GGA1: variants seen among roughly 807,000 people sequenced by gnomAD.
GGA1 encodes the protein golgi associated, gamma adaptin ear containing, ARF binding protein 1.
A neutral mutation model predicts 76.9 loss-of-function variants in GGA1; 18 were observed. The ratio of observed to expected loss-of-function variants is 0.23; its 90% confidence interval spans 0.16 to 0.35. GGA1 has a LOEUF of 0.35. Ranked by LOEUF, GGA1 falls within the 10% of genes least tolerant of loss-of-function variation. The pLI, the probability that GGA1 is intolerant of heterozygous loss-of-function variation, is 1.00. For missense variants in GGA1, 755 were observed against 859.0 expected (o/e 0.88, Z 1.51); for synonymous variants, 342 against 354.7 (o/e 0.96, Z 0.40).
chr22:37,630,239 T>G (rs1203950655), intron 13 of GGA1, 69 bp downstream of exon 13: 65 of 1,219,904 alleles, frequency 5.3e-5, no homozygotes, highest in Non-Finnish European at 6.2e-5. Flanking sequence ...CAACTTCTCC[T>G]GGGCTTGTCC....
chr22:37,624,675 C>A lies in GGA1; in HGVS notation c.833-294C>A. On this transcript the variant is annotated intron_variant, in intron 9 of 16. Coordinates refer to ENST00000343632, the MANE Select transcript of GGA1 (RefSeq NM_013365.5). The surrounding 1 kb of genome is among the most constrained non-coding windows in gnomAD (Gnocchi z 4.3). ...GAAGGCAGTAAGGGATGAAGCCATG[C>A]AGAGATCTGGGGCAGCCAGAGAGCA... 5.7e-6 allele frequency: 2 copies of A among 349,908 alleles called. 1 individual carries two copies. Among genetic ancestry groups the A allele is most frequent in the South Asian group, 5.5e-5 (2 of 36,586 alleles). The allele number at this position is 349,908 out of a possible 1,614,324, so 21.7% of individuals were successfully genotyped here.
At position 37,624,042 on chromosome 22, in the gene GGA1, C is replaced by T; in HGVS notation, c.832+409C>T. On this transcript the variant is annotated intron_variant, in intron 9 of 16. Transcript: ENST00000343632. This position sits in a 1 kb window ranked among gnomAD's most constrained non-coding sequence, Gnocchi z 4.3. ...GGAAGCTAAGAGTGCATCCCACAGC[C>T]CAGGCAGTTCCAGACCTGAGCCTGA... The T allele has an allele frequency of 4.9e-6, 1 of 203,538 alleles. No individual in the cohort carries two copies. The highest frequency in any genetic ancestry group is 1.0e-5 in the Non-Finnish European group (1 of 97,056). 12.6% of individuals were successfully genotyped at this position (203,538 alleles called of 1,614,324 possible).
In GGA1 at chr22:37,623,615, G is replaced by A; in HGVS notation, c.814G>A (p.Asp272Asn). 1 of 1,588,394 alleles carries A rather than the reference G, an allele frequency of 6.3e-7. No individual in the cohort carries two copies. Among genetic ancestry groups the A allele is most frequent in the Admixed American group, 1.8e-5 (1 of 54,682 alleles). ...TLFRLASDTE[D>N]NDEALAEILQ... Reference sequence around the variant, plus strand: ...CTTCCGACTGGCGAGTGACACAGAGGACAATGATGAGGCCTTAGGTGAGCC... The same window carrying A: ...CTTCCGACTGGCGAGTGACACAGAGAACAATGATGAGGCCTTAGGTGAGCC... The change falls in exon 9 of 17, where the codon GAC becomes AAC. Residue 272 changes from aspartate to asparagine, a missense_variant. Asp to Asn is a conservative substitution (Grantham distance 23). Coordinates refer to ENST00000343632, the MANE Select transcript of GGA1 (RefSeq NM_013365.5). This position sits in a 1 kb window ranked among gnomAD's most constrained non-coding sequence, Gnocchi z 4.6.
chr22:37,611,786 C>A (rs1472097168), intron 1 of GGA1, among the ~76,000 whole-genome samples: 1 of 152,324 alleles, frequency 6.6e-6, no homozygotes, highest in South Asian at 2.1e-4. Context: ...TAGAGGTGGG[C>A]TGTGGAGAAA....
At chr22:37,612,186 C>T (rs1049312531) in intron 1 of GGA1, among the ~76,000 whole-genome samples, 2 of 151,124 alleles carry the variant, frequency 1.3e-5, no homozygotes, top group Non-Finnish European at 2.9e-5. Flanking sequence ...AAATACAGGC[C>T]GGACGCAGTG....
intron 12 of GGA1, 27 bp from the exon 13 acceptor site, chr22:37,629,971 A>C (rs1601558292): frequency 6.7e-7 from 1 of 1,500,888 alleles, no homozygotes; most frequent in Non-Finnish European, 9.0e-7. Flanking sequence ...AGACAGCCCC[A>C]CCCCACCTGC....
intron 2 of GGA1, among the ~76,000 whole-genome samples, chr22:37,615,971 G>A (rs983022256): frequency 2.6e-5 from 4 of 151,976 alleles, no homozygotes; most frequent in Non-Finnish European, 5.9e-5. Flanking sequence ...CTCCCCAGCA[G>A]CTGGGACTAC....
intron 4 of GGA1, chr22:37,619,716 C>T: frequency 1.4e-6 from 1 of 728,768 alleles, no homozygotes; most frequent in South Asian, 1.5e-5. Flanking sequence ...GACAGCCCAC[C>T]CCCTTGGCCC....
At chr22:37,620,528 TGA>T (rs1929690307) in intron 5 of GGA1, among the ~76,000 whole-genome samples, 167 bp downstream of exon 5, 1 of 152,184 alleles carries the variant, frequency 6.6e-6, no homozygotes, top group African/African-American at 2.4e-5. Context: ...GTGCTCTGCC[TGA>T]GGCTAGCTTG....
intron 3 of GGA1, 169 bp downstream of exon 3, chr22:37,617,166 G>A (rs1601516826): frequency 1.6e-5 from 24 of 1,463,532 alleles, no homozygotes; most frequent in Middle Eastern, 1.8e-4. Context: ...CACAGCCAGC[G>A]GGCTGGCCTC....
intron 7 of GGA1, 80 bp downstream of exon 7, chr22:37,621,776 C>A: frequency 2.2e-6 from 2 of 907,140 alleles, no homozygotes; most frequent in Non-Finnish European, 1.7e-6. Context: ...CTGTATGCAT[C>A]TTCACATGGA....
At position 37,632,387 on chromosome 22, in the gene GGA1, C is replaced by T. The variant is rs747681948; in HGVS notation, c.1699-18C>T. The T allele has an allele frequency of 3.7e-5, 57 of 1,555,370 alleles. No homozygotes were observed. Among genetic ancestry groups the T allele is most frequent in the Non-Finnish European group, 4.5e-5 (51 of 1,126,794 alleles). Reference sequence around the variant, plus strand: ...AGCAGCCAGGGCTAGCTGTGCCCATCCTGCCATCTGCCCACAGGTTATGAA... The same window carrying T: ...AGCAGCCAGGGCTAGCTGTGCCCATTCTGCCATCTGCCCACAGGTTATGAA... On this transcript the variant is annotated intron_variant, in intron 15 of 16. Transcript: ENST00000343632. This position sits in a 1 kb window ranked among gnomAD's most constrained non-coding sequence, Gnocchi z 5.1.
At chr22:37,629,677 A>C in intron 12 of GGA1, 151 bp downstream of exon 12, 1 of 561,770 alleles carries the variant, frequency 1.8e-6, no homozygotes, top group Non-Finnish European at 3.1e-6. Context: ...ACACCCACCC[A>C]GGGTACAGGG....
chr22:37,630,019 C>G lies in GGA1; in HGVS notation c.1180C>G (p.Pro394Ala), dbSNP rs751250760. The G allele has an allele frequency of 1.3e-6, 2 of 1,579,198 alleles. No individual in the cohort carries two copies. The highest frequency in any genetic ancestry group is 1.7e-6 in the Non-Finnish European group (2 of 1,162,638). Residue 394 changes from proline (P) to alanine (A), a missense_variant, in exon 13 of 17, where the codon CCA (proline) becomes GCA (alanine). Pro to Ala is a conservative substitution (Grantham distance 27). Coordinates refer to ENST00000343632, the MANE Select transcript of GGA1 (RefSeq NM_013365.5). ...ACAGTCGTCGGATGCCACTGAGCCC[C>G]CAGCCCCTGCTCTGGCCCAGGCCCC... is the stretch of plus-strand genomic sequence containing the variant. ...SFQSSDATEP[P>A]APALAQAPSM... is the part of the protein sequence containing the mutation.
rs199622924 is a variant in GGA1 at position 37,630,985 on chromosome 22, G to A, written c.1414G>A (p.Ala472Thr). 55 of 1,613,114 alleles carry A rather than the reference G, an allele frequency of 3.4e-5. No individual in the cohort carries two copies. The highest frequency in any genetic ancestry group is 6.7e-5 in the Admixed American group (4 of 59,916). Residue 472 changes from alanine (A) to threonine (T), a missense_variant, in exon 14 of 17, where the codon GCC becomes ACC. By Grantham distance (58) the Ala-to-Thr change is moderately conservative (BLOSUM62 0). Transcript: ENST00000343632. ...SSSCSSPSSS[A>T]TSLLHTVSPE... ...CAGCTGCAGCTCCCCCAGCTCCAGC[G>A]CCACCAGCCTTCTCCACACCGTGTC...
rs1271859082 is a variant in GGA1 at position 37,630,030 on chromosome 22, T to A, written c.1191T>A (p.Ala397=). 6.3e-7 allele frequency: 1 copy of A among 1,591,086 alleles called. No homozygotes were observed. Among genetic ancestry groups the A allele is most frequent in the African/African-American group, 1.4e-5 (1 of 73,626 alleles). The change falls in exon 13 of 17, where the codon GCT becomes GCA. Residue 397 remains alanine, a synonymous_variant. Transcript: ENST00000343632. ...SSDATEPPAP[A]LAQAPSMESR... is the part of the protein sequence containing the mutation. ...ATGCCACTGAGCCCCCAGCCCCTGC[T>A]CTGGCCCAGGCCCCCAGTATGGAAA...
rs895618984 is a variant in GGA1 at position 37,623,811 on chromosome 22, C to A, written c.832+178C>A. The stretch of plus-strand genomic sequence containing the variant: ...GAGGACACAGAGCAGGGGCCGCCCC[C>A]CTGTTGAGAGGCCCTGTGGGCCAGC... On this transcript the variant is annotated intron_variant, in intron 9 of 16. Transcript: ENST00000343632. This position sits in a 1 kb window ranked among gnomAD's most constrained non-coding sequence, Gnocchi z 4.6. 1.5e-5 allele frequency: 9 copies of A among 589,074 alleles called. No homozygotes were observed. The highest frequency in any genetic ancestry group is 3.0e-5 in the Admixed American group (1 of 33,270). The allele number at this position is 589,074 out of a possible 1,614,324, so 36.5% of individuals were successfully genotyped here.
At chr22:37,629,134 TCCCTGCAGCCCAG>T (rs1931341818) in intron 11 of GGA1, among the ~76,000 whole-genome samples, 1 of 152,206 alleles carries the variant, frequency 6.6e-6, no homozygotes, top group African/African-American at 2.4e-5. Context: ...GAACCTCTTC[TCCCTGCAGCCCAG>T]CCCTGCAGGC....
chr22:37,613,295 T>A (rs969564049), intron 1 of GGA1: 1 of 384,074 alleles, frequency 2.6e-6, no homozygotes, highest in Non-Finnish European at 3.6e-6. Context: ...GTGTACCAGC[T>A]CCAGCCTGGG....
Sources: gnomAD v4.1 joint callset for allele counts (sites outside exome capture counted in the v4.1 genomes callset) on GRCh38, gnomAD v4.1.1 for gene constraint, Gnocchi (gnomAD v3.1) non-coding constraint, MANE v1.5 for transcripts, NCBI Gene and HGNC (gene_info 2026-07-23, HGNC 2026-07-21) for gene names.